ENTPD1: variants seen among roughly 807,000 people sequenced by gnomAD.
ENTPD1 encodes the protein ATP diphosphohydrolase.
In ENTPD1, 33 loss-of-function variants were observed where a neutral mutation model predicts 57.0. The observed-to-expected ratio is 0.58, with a 90% CI of 0.44 to 0.77. The LOEUF (loss-of-function observed/expected upper bound fraction) is 0.77. Among genes scored for constraint, ENTPD1 ranks in the 30% least tolerant of loss-of-function variants. The pLI is 0.00. For synonymous variants in ENTPD1, 202 were observed against 218.8 expected (o/e 0.92, Z 0.68); for missense variants, 501 against 603.4 (o/e 0.83, Z 1.78).
intron 1 of ENTPD1, among the ~76,000 whole-genome samples, chr10:95,776,962 A>G (rs1270388032): frequency 6.6e-6 from 1 of 152,072 alleles, no homozygotes; most frequent in African/African-American, 2.4e-5. Context: ...CATAGTTCTC[A>G]TGCCATGGTT....
At chr10:95,844,062 G>C (rs1397870778) in intron 4 of ENTPD1, among the ~76,000 whole-genome samples, 1 of 152,178 alleles carries the variant, frequency 6.6e-6, no homozygotes, top group African/African-American at 2.4e-5. Context: ...ACCTGGAGCA[G>C]AGTCTGGCCA....
At chr10:95,757,727 G>C (rs1323837046) in intron 1 of ENTPD1, among the ~76,000 whole-genome samples, 2 of 152,050 alleles carry the variant, frequency 1.3e-5, no homozygotes, top group African/African-American at 4.8e-5. Flanking sequence ...CTGGGGGGCT[G>C]GATGTGGTGG....
At chr10:95,844,418 G>A in intron 4 of ENTPD1, 58 bp from the exon 5 acceptor site, 6 of 1,608,308 alleles carry the variant, frequency 3.7e-6, no homozygotes, top group Non-Finnish European at 5.1e-6. Flanking sequence ...AGCTGAAATG[G>A]GTAATGTAAT....
intron 1 of ENTPD1, among the ~76,000 whole-genome samples, chr10:95,741,664 G>T (rs575154225): frequency 5.9e-5 from 9 of 152,238 alleles, no homozygotes; most frequent in African/African-American, 9.6e-5. Context: ...TGAAAAATCA[G>T]CAGTGTGAGG....
Position 95,866,438 on chromosome 10 carries a change from A to T in ENTPD1, c.*55A>T. The T allele has an allele frequency of 1.2e-6, 2 of 1,604,804 alleles. No homozygotes were observed. Among genetic ancestry groups the T allele is most frequent in the Non-Finnish European group, 8.5e-7 (1 of 1,175,176 alleles). On this transcript the variant is annotated 3_prime_UTR_variant, in exon 10 of 10. Transcript: ENST00000371205. ...TGAGGAAAAAAATCGTCCAGGGAGCATTTTCCTCCATCGCAGTGTTCAAGG... is the reference window on the plus strand; with the variant it reads ...TGAGGAAAAAAATCGTCCAGGGAGCTTTTTCCTCCATCGCAGTGTTCAAGG...
At chr10:95,723,876 C>A (rs2097980532) in intron 1 of ENTPD1, among the ~76,000 whole-genome samples, 1 of 152,064 alleles carries the variant, frequency 6.6e-6, no homozygotes, top group Non-Finnish European at 1.5e-5. Flanking sequence ...AAAGCCCTTT[C>A]CCAGCACAGG....
In ENTPD1 at chr10:95,872,289, C is replaced by T. The variant is rs980442141; in HGVS notation, c.*5906C>T. 2 of 985,388 alleles carry T rather than the reference C, an allele frequency of 2.0e-6. No individual in the cohort carries two copies. Among genetic ancestry groups the T allele is most frequent in the Non-Finnish European group, 2.4e-6 (2 of 829,918 alleles). 61.0% of individuals were successfully genotyped at this position (985,388 alleles called of 1,614,324 possible). A position where few individuals can be genotyped will look rare whatever the true frequency, so the allele number is the denominator to read the frequency against. On this transcript the variant is annotated 3_prime_UTR_variant, in exon 10 of 10. Transcript: ENST00000371205. Reference sequence around the variant, plus strand: ...TTGCCTACAAAATAAAGTCAACCTCCCCATCAGACATTCAAGGCTTTCAAT... The same window carrying T: ...TTGCCTACAAAATAAAGTCAACCTCTCCATCAGACATTCAAGGCTTTCAAT...
At chr10:95,699,817 T>C in the ENTPD1 span, among the ~76,000 whole-genome samples, 1 of 152,198 alleles carries the variant, frequency 6.6e-6, no homozygotes, top group Non-Finnish European at 1.5e-5. Flanking sequence ...TTCATACATT[T>C]TTGAAGAAAT....
intron 7 of ENTPD1, among the ~76,000 whole-genome samples, chr10:95,847,912 T>C (rs754456007): frequency 4.2e-4 from 64 of 152,350 alleles, no homozygotes; most frequent in South Asian, 1.2e-3. Context: ...TGCTAAGGTA[T>C]GTTACTGCTC....
intron 2 of ENTPD1, among the ~76,000 whole-genome samples, chr10:95,838,291 C>A (rs2098415358): frequency 6.6e-6 from 1 of 152,126 alleles, no homozygotes; most frequent in South Asian, 2.1e-4. Flanking sequence ...GGGCATTGAG[C>A]AGTTTACTCC....
chr10:95,839,852 G>T (rs747635896), intron 3 of ENTPD1, 44 bp downstream of exon 3: 9 of 1,578,066 alleles, frequency 5.7e-6, no homozygotes, highest in Non-Finnish European at 7.0e-6. Context: ...AGTGGGGCAT[G>T]AGAACATGAG....
In ENTPD1 at chr10:95,876,943, A is replaced by G. The variant is rs2098486314; in HGVS notation, c.*10560A>G. Among the ~76,000 whole-genome samples the G allele has an allele frequency of 6.6e-6, 1 of 152,230 alleles. No individual in the cohort carries two copies. The highest frequency in any genetic ancestry group is 2.4e-5 in the African/African-American group (1 of 41,458). On this transcript the variant is annotated 3_prime_UTR_variant, in exon 10 of 10. Coordinates refer to ENST00000371205, the MANE Select transcript of ENTPD1 (RefSeq NM_001776.6). ...GGGCAGAATCATTATGTGATGCAAC[A>G]TGGCAAAAGTATACAGACAGTGCAT...
At chr10:95,770,320 G>A (rs1273891269) in intron 1 of ENTPD1, among the ~76,000 whole-genome samples, 1 of 151,602 alleles carries the variant, frequency 6.6e-6, no homozygotes, top group African/African-American at 2.4e-5. Flanking sequence ...AGGTAGGTGA[G>A]TATGGTGTCC....
At chr10:95,709,011 G>T (rs7073723), upstream of ENTPD1, among the ~76,000 whole-genome samples, 127,881 of 152,152 alleles carry the variant, frequency 0.84, 54,311 homozygotes, top group Non-Finnish European at 0.91. Context: ...TAGAATCATT[G>T]TCATCAGCTG....
intron 1 of ENTPD1, among the ~76,000 whole-genome samples, chr10:95,724,951 C>A (rs192938709): frequency 2.6e-4 from 40 of 152,316 alleles, no homozygotes; most frequent in African/African-American, 9.4e-4. Context: ...TTTTTTCTCT[C>A]TCCTCTTTGT....
At chr10:95,814,310 T>C (rs1365267122) in intron 1 of ENTPD1, among the ~76,000 whole-genome samples, 7 of 152,126 alleles carry the variant, frequency 4.6e-5, no homozygotes, top group Admixed American at 3.9e-4. Context: ...GAATGGATGG[T>C]TTGGTTGGAG....
chr10:95,816,987 C>G (rs2098332069), intron 1 of ENTPD1, among the ~76,000 whole-genome samples: 1 of 152,182 alleles, frequency 6.6e-6, no homozygotes, highest in Admixed American at 6.5e-5. Flanking sequence ...CATAGCAACC[C>G]TATGAAGCAG....
At chr10:95,750,252 G>A (rs2098010304) in intron 1 of ENTPD1, among the ~76,000 whole-genome samples, 2 of 152,146 alleles carry the variant, frequency 1.3e-5, no homozygotes, top group South Asian at 4.1e-4. Context: ...ACTTCACGGG[G>A]GATGATGTGG....
At chr10:95,824,857 TA>T in intron 2 of ENTPD1, among the ~76,000 whole-genome samples, 1 of 152,316 alleles carries the variant, frequency 6.6e-6, no homozygotes, top group African/African-American at 2.4e-5. Flanking sequence ...ATTCTTTAAA[TA>T]AAAGGTAGGA....
Sources: allele counts gnomAD v4.1 joint callset (sites outside exome capture counted in the v4.1 genomes callset), GRCh38; gene constraint gnomAD v4.1.1; transcripts MANE v1.5; gene names NCBI Gene and HGNC (gene_info 2026-07-23, HGNC 2026-07-21).